AFF2: variants seen among roughly 807,000 people sequenced by gnomAD.
AFF2 encodes the protein AF4/FMR2 family member 2.
AFF2 carries 14 observed loss-of-function variants against 76.9 expected under a neutral mutation model. That is an observed-to-expected ratio of 0.18 (90% CI 0.12 to 0.28). The LOEUF (loss-of-function observed/expected upper bound fraction) is 0.28. Ranked by LOEUF, AFF2 falls within the 10% of genes least tolerant of loss-of-function variation. The pLI is 1.00. For synonymous variants in AFF2, 398 were observed against 366.7 expected (o/e 1.09, Z -0.98); for missense variants, 868 against 1,001.1 (o/e 0.87, Z 1.79).
At chrX:148,963,811 C>G (rs1243709570) in intron 13 of AFF2, among the ~76,000 whole-genome samples, 1 of 111,972 alleles carries the variant, frequency 8.9e-6, no homozygotes, top group Admixed American at 9.5e-5. Flanking sequence ...TTGGTCTAGG[C>G]CAATCGGGCT....
chrX:148,561,764 C>T (rs2053115711), intron 1 of AFF2, among the ~76,000 whole-genome samples: 1 of 111,403 alleles, frequency 9.0e-6, no homozygotes, highest in Non-Finnish European at 1.9e-5. Context: ...TGGAAGCCTA[C>T]TTTACTTTTT....
chrX:148,920,914 T>A (rs111836515), intron 9 of AFF2, among the ~76,000 whole-genome samples: 79 of 110,891 alleles, frequency 7.1e-4, no homozygotes, highest in African/African-American at 2.0e-3. Context: ...GTCATTGCTG[T>A]GTAAGGCTAC....
At chrX:148,946,039 A>G (rs782273312) in intron 9 of AFF2, among the ~76,000 whole-genome samples, 2 of 112,458 alleles carry the variant, frequency 1.8e-5, no homozygotes, top group Non-Finnish European at 3.8e-5. Context: ...TGAGTCAAAC[A>G]TGGTGCTGAA....
chrX:148,505,330 T>C (rs1464819725), intron 1 of AFF2, among the ~76,000 whole-genome samples: 4 of 111,867 alleles, frequency 3.6e-5, no homozygotes. Flanking sequence ...GGAAGAAAAT[T>C]ATCTCATGGT....
chrX:148,946,797 A>C (rs1309112031), intron 9 of AFF2, among the ~76,000 whole-genome samples: 1 of 111,932 alleles, frequency 8.9e-6, no homozygotes, highest in Non-Finnish European at 1.9e-5. Flanking sequence ...CTCACATGGC[A>C]TCACTCTGGC....
intron 1 of AFF2, among the ~76,000 whole-genome samples, chrX:148,552,635 A>C (rs1006904072): frequency 1.2e-4 from 14 of 112,204 alleles, no homozygotes; most frequent in African/African-American, 4.2e-4. Context: ...CTGAACCACT[A>C]TGCTTGTTGG....
intron 1 of AFF2, among the ~76,000 whole-genome samples, chrX:148,593,296 C>T (rs1273600330): frequency 8.9e-6 from 1 of 112,106 alleles, no homozygotes; most frequent in African/African-American, 3.2e-5. Context: ...GACAAGGAGT[C>T]TAGAACATGG....
At chrX:148,971,747 C>CTTTTTTTTTTTTTTTTTTAAT in intron 15 of AFF2, among the ~76,000 whole-genome samples, 1 of 44,731 alleles carries the variant, frequency 2.2e-5, no homozygotes, top group Non-Finnish European at 3.8e-5. Context: ...TTTTCTATTT[C>CTTTTTTTTTTTTTTTTTTAAT]TTTTTTTTTT....
At chrX:148,681,642 AAAAGAAAGAGAAAG>A (rs1452526627) in intron 3 of AFF2, among the ~76,000 whole-genome samples, 16 of 108,449 alleles carry the variant, frequency 1.5e-4, no homozygotes, top group Middle Eastern at 4.7e-3. Flanking sequence ...AGAGAAGAGA[AAAAGAAAGAGAAAG>A]AAAGAAAGAG....
intron 19 of AFF2, among the ~76,000 whole-genome samples, chrX:148,984,368 C>T (rs2072437571): frequency 9.0e-6 from 1 of 110,565 alleles, no homozygotes; most frequent in Non-Finnish European, 1.9e-5. Context: ...TTGCATGTGC[C>T]ATGGAAATGT....
chrX:148,981,584 T>G (rs143098790), intron 19 of AFF2, among the ~76,000 whole-genome samples: 1 of 111,504 alleles, frequency 9.0e-6, no homozygotes, highest in African/African-American at 3.3e-5. Flanking sequence ...TGAAGTTAGC[T>G]AACTTGCCTG....
intron 3 of AFF2, among the ~76,000 whole-genome samples, chrX:148,715,490 T>A (rs1385105905): frequency 1.8e-5 from 2 of 110,420 alleles, no homozygotes; most frequent in Non-Finnish European, 3.8e-5. Context: ...CAAGCATAGC[T>A]CTCTCCTGTT....
chrX:148,866,375 G>C (rs2070907294), intron 7 of AFF2, among the ~76,000 whole-genome samples: 1 of 112,497 alleles, frequency 8.9e-6, no homozygotes, highest in South Asian at 3.7e-4. Flanking sequence ...AAAGAAAGAA[G>C]CTGTATTAAG....
At chrX:148,671,485 TGAG>T (rs1400644536) in intron 3 of AFF2, among the ~76,000 whole-genome samples, 1 of 111,984 alleles carries the variant, frequency 8.9e-6, no homozygotes, top group Non-Finnish European at 1.9e-5. Context: ...TTTTGTCACA[TGAG>T]GAGATTAGAC....
chrX:148,821,419 C>A (rs139808357), intron 4 of AFF2, among the ~76,000 whole-genome samples: 1 of 110,991 alleles, frequency 9.0e-6, no homozygotes, highest in African/African-American at 3.3e-5. Flanking sequence ...AACTTCCAAA[C>A]CCAGATCTTG....
chrX:148,614,714 TTTCTTTCTTTCTTTCTTTCCTTC>T (rs1557249971), intron 1 of AFF2, among the ~76,000 whole-genome samples: 1 of 43,221 alleles, frequency 2.3e-5, no homozygotes, highest in African/African-American at 1.6e-4. Flanking sequence ...TCTTTCTTTC[TTTCTTTCTTTCTTTCTTTCCTTC>T]TTTTCTTTCT....
intron 20 of AFF2, among the ~76,000 whole-genome samples, chrX:148,990,472 A>G (rs1289885309): frequency 1.8e-5 from 2 of 112,571 alleles, no homozygotes; most frequent in Non-Finnish European, 3.7e-5. Context: ...TTTAGAGATC[A>G]TATAGTTTTT....
intron 3 of AFF2, among the ~76,000 whole-genome samples, chrX:148,754,610 C>T (rs912749928): frequency 3.6e-5 from 4 of 110,371 alleles, no homozygotes; most frequent in African/African-American, 9.9e-5. Flanking sequence ...CCTGTGTGGC[C>T]CCTCCCACTA....
chrX:148,959,656 T>C (rs1296509998), intron 12 of AFF2, among the ~76,000 whole-genome samples: 1 of 112,270 alleles, frequency 8.9e-6, no homozygotes, highest in Admixed American at 9.4e-5. Context: ...TTCATCAGTA[T>C]TCTCTGATAT....
Sources: allele counts gnomAD v4.1 joint callset (sites outside exome capture counted in the v4.1 genomes callset), GRCh38; gene constraint gnomAD v4.1.1; transcripts MANE v1.5; gene names NCBI Gene and HGNC (gene_info 2026-07-23, HGNC 2026-07-21).